STAC: variants seen among roughly 807,000 people sequenced by gnomAD.
The protein encoded by STAC is SH3 and cysteine-rich domain-containing protein.
A neutral mutation model predicts 48.8 loss-of-function variants in STAC; 43 were observed. The ratio of observed to expected loss-of-function variants is 0.88; its 90% confidence interval spans 0.69 to 1.14. STAC has a LOEUF of 1.14. STAC is among the 50% of genes most tolerant of loss of function. The pLI is 0.00. For synonymous variants in STAC, 193 were observed against 179.5 expected, an observed-to-expected ratio of 1.07 and a Z score of -0.60; for missense variants, 497 against 504.0, an observed-to-expected ratio of 0.99 and a Z score of 0.13.
intron 5 of STAC, among the ~76,000 whole-genome samples, chr3:36,488,634 C>A (rs963762522): frequency 2.0e-5 from 3 of 152,068 alleles, no homozygotes; most frequent in African/African-American, 4.8e-5. Flanking sequence ...TGCAAATCAG[C>A]AGATTCAGAC....
intron 2 of STAC, among the ~76,000 whole-genome samples, chr3:36,446,896 T>A (rs1185712809): frequency 6.6e-6 from 1 of 152,224 alleles, no homozygotes; most frequent in Non-Finnish European, 1.5e-5. Flanking sequence ...ATACAGTTGC[T>A]ACACAAAGAA....
intron 1 of STAC, among the ~76,000 whole-genome samples, chr3:36,395,545 T>C (rs903803420): frequency 6.6e-6 from 1 of 151,830 alleles, no homozygotes; most frequent in African/African-American, 2.4e-5. Context: ...TTGGTCAGAG[T>C]GAATGACCAG....
chr3:36,546,533 A>C lies in STAC; in HGVS notation c.*244A>C. On this transcript the variant is annotated 3_prime_UTR_variant, in exon 11 of 11. Coordinates refer to ENST00000273183, the MANE Select transcript of STAC (RefSeq NM_003149.3). ...GAGTCAGCAGGCAGAGCCAGATGCC[A>C]TGCTTGGCAGCAGCAGTAGGACTAT... The C allele has an allele frequency of 1.8e-6, 1 of 554,658 alleles. No individual in the cohort carries two copies. Among genetic ancestry groups the C allele is most frequent in the East Asian group, 2.9e-5 (1 of 34,686 alleles). The allele number at this position is 554,658 out of a possible 1,614,324, so 34.4% of individuals were successfully genotyped here. A position where few individuals can be genotyped will look rare whatever the true frequency, so the allele number is the denominator to read the frequency against.
chr3:36,507,797 T>C (rs1330572320), intron 8 of STAC, among the ~76,000 whole-genome samples: 1 of 152,182 alleles, frequency 6.6e-6, no homozygotes, highest in Non-Finnish European at 1.5e-5. Context: ...GTCTATTTGA[T>C]TCTTCTTTCT....
chr3:36,493,340 T>A, intron 6 of STAC, 111 bp downstream of exon 6: 1 of 956,414 alleles, frequency 1.0e-6, no homozygotes, highest in Non-Finnish European at 1.6e-6. Flanking sequence ...TGGAATTTAA[T>A]CAGGGCGAGT....
At chr3:36,390,154 A>G (rs1455564764) in intron 1 of STAC, among the ~76,000 whole-genome samples, 1 of 152,158 alleles carries the variant, frequency 6.6e-6, no homozygotes, top group Admixed American at 6.5e-5. Context: ...TCTCCTGTAA[A>G]CCACTAGCCA....
At chr3:36,386,507 ACTG>A (rs927505198) in intron 1 of STAC, among the ~76,000 whole-genome samples, 1 of 151,548 alleles carries the variant, frequency 6.6e-6, no homozygotes, top group Non-Finnish European at 1.5e-5. Flanking sequence ...CTTTTTGTGT[ACTG>A]CTTATGAAAT....
At chr3:36,452,904 G>A (rs1696724300) in intron 2 of STAC, among the ~76,000 whole-genome samples, 1 of 152,216 alleles carries the variant, frequency 6.6e-6, no homozygotes, top group Non-Finnish European at 1.5e-5. Flanking sequence ...TCAGTTGTAG[G>A]TGGGCAAGGT....
At chr3:36,460,792 C>T (rs920894077) in intron 2 of STAC, among the ~76,000 whole-genome samples, 5 of 152,090 alleles carry the variant, frequency 3.3e-5, no homozygotes, top group East Asian at 1.9e-4. Context: ...CTACCCAAAG[C>T]GATTTACAGA....
At chr3:36,434,724 AT>A (rs1236299152) in intron 1 of STAC, among the ~76,000 whole-genome samples, 1 of 152,212 alleles carries the variant, frequency 6.6e-6, no homozygotes, top group Non-Finnish European at 1.5e-5. Context: ...ACACTGGTTA[AT>A]TAACTTGATG....
At chr3:36,458,913 T>C (rs530321860) in intron 2 of STAC, among the ~76,000 whole-genome samples, 54 of 152,326 alleles carry the variant, frequency 3.5e-4, no homozygotes, top group African/African-American at 1.3e-3. Flanking sequence ...TCTGATTTAG[T>C]GGATCTGGTT....
chr3:36,427,706 A>C (rs1030907122), intron 1 of STAC, among the ~76,000 whole-genome samples: 1 of 152,214 alleles, frequency 6.6e-6, no homozygotes, highest in Admixed American at 6.5e-5. Context: ...GAGAGACAGA[A>C]GTTAATAGAG....
chr3:36,529,683 A>T lies in STAC; in HGVS notation c.1110+698A>T, dbSNP rs182981991. Among the ~76,000 whole-genome samples, 46 of 152,334 alleles carry T rather than the reference A, an allele frequency of 3.0e-4. 1 individual carries two copies. The highest frequency in any genetic ancestry group is 3.0e-3 in the Admixed American group (46 of 15,308). ...CTGGAATGTTGATAGAGACAAAGAA[A>T]CAGCATTCTCACACTTTAGCTCTCT... is the stretch of plus-strand genomic sequence containing the variant. On this transcript the variant is annotated intron_variant, in intron 10 of 10. Coordinates refer to ENST00000273183, the MANE Select transcript of STAC (RefSeq NM_003149.3).
chr3:36,422,733 G>A (rs1700477314), intron 1 of STAC, among the ~76,000 whole-genome samples: 1 of 151,982 alleles, frequency 6.6e-6, no homozygotes, highest in Non-Finnish European at 1.5e-5. Context: ...TTTTTAAGTT[G>A]CTGTGTCATT....
In STAC at chr3:36,510,327, G is replaced by T. The variant is rs141238754; in HGVS notation, c.920+4493G>T. Among the ~76,000 whole-genome samples, 7 of 152,306 alleles carry T rather than the reference G, an allele frequency of 4.6e-5. No individual in the cohort carries two copies. In the East Asian group the frequency reaches 1.4e-3, roughly 29 times the overall value. On this transcript the variant is annotated intron_variant, in intron 8 of 10. Coordinates refer to ENST00000273183, the MANE Select transcript of STAC (RefSeq NM_003149.3). ...CAACAGATGCTGGAGAGGATGTGGA[G>T]AAATAGGAATGCTTTTACACTGTTT...
chr3:36,398,320 C>CAAGCAAGCAAGA (rs1699898474), intron 1 of STAC, among the ~76,000 whole-genome samples: 7 of 82,170 alleles, frequency 8.5e-5, no homozygotes, highest in African/African-American at 1.9e-4. Flanking sequence ...AGAAAGAAAG[C>CAAGCAAGCAAGA]AAGAAAGAAA....
At chr3:36,465,618 C>T (rs182119673) in intron 2 of STAC, among the ~76,000 whole-genome samples, 24 of 151,870 alleles carry the variant, frequency 1.6e-4, no homozygotes, top group Admixed American at 6.5e-4. Flanking sequence ...ACAGAACTAA[C>T]AGTACTAAAG....
intron 5 of STAC, among the ~76,000 whole-genome samples, chr3:36,490,447 G>A (rs901969134): frequency 4.6e-5 from 7 of 152,152 alleles, no homozygotes; most frequent in African/African-American, 1.7e-4. Flanking sequence ...TGTCCACTTT[G>A]ACCAGCATTC....
chr3:36,519,639 T>C (rs1314277021), intron 8 of STAC, among the ~76,000 whole-genome samples: 1 of 152,226 alleles, frequency 6.6e-6, no homozygotes, highest in Non-Finnish European at 1.5e-5. Context: ...ACCAGGAAGT[T>C]TGTGATCTAC....
Sources: gnomAD v4.1 joint callset for allele counts (sites outside exome capture counted in the v4.1 genomes callset) on GRCh38, gnomAD v4.1.1 for gene constraint, MANE v1.5 for transcripts, NCBI Gene and HGNC (gene_info 2026-07-23, HGNC 2026-07-21) for gene names.